TRHDE: variants seen among roughly 807,000 people sequenced by gnomAD.
TRHDE encodes the protein thyrotropin-releasing hormone-degrading ectoenzyme.
TRHDE carries 72 observed loss-of-function variants against 125.7 expected under a neutral mutation model. The ratio of observed to expected loss-of-function variants is 0.57; its 90% CI spans 0.47 to 0.70. The LOEUF (loss-of-function observed/expected upper bound fraction) is 0.70, where lower values mean the gene tolerates loss of function less well. Ranked by LOEUF, TRHDE falls within the 30% of genes least tolerant of loss-of-function variation. The pLI, the probability that TRHDE is intolerant of heterozygous loss-of-function variation, is 0.00. For synonymous variants in TRHDE, 509 were observed against 509.1 expected (o/e 1.00, Z 0.00); for missense variants, 1,110 against 1,327.1 (o/e 0.84, Z 2.54).
intron 2 of TRHDE, among the ~76,000 whole-genome samples, chr12:72,206,134 T>C (rs1877660142): frequency 6.6e-6 from 1 of 150,982 alleles, no homozygotes; most frequent in Non-Finnish European, 1.5e-5. Context: ...TCATGCAGGC[T>C]GGAGTGCAAT....
At chr12:72,448,846 T>G (rs1033885572) in intron 3 of TRHDE, among the ~76,000 whole-genome samples, 2 of 151,804 alleles carry the variant, frequency 1.3e-5, no homozygotes, top group Non-Finnish European at 1.5e-5. Flanking sequence ...TTTTTTTTTT[T>G]GTATGTGTGG....
chr12:72,138,498 T>A (rs1876040479), intron 2 of TRHDE, among the ~76,000 whole-genome samples: 1 of 152,226 alleles, frequency 6.6e-6, no homozygotes, highest in Admixed American at 6.5e-5. Flanking sequence ...AAGGCTATTC[T>A]GATCTGGGAG....
At chr12:72,271,896 G>C (rs1427166465), upstream of TRHDE, 1 of 456,390 alleles carries the variant, frequency 2.2e-6, no homozygotes, top group East Asian at 7.0e-5. Context: ...ACTGGAATGA[G>C]GGAGTCTCGC....
rs368498595 is a variant in TRHDE, at chr12:72,285,081, AAGCTTT to A, written c.915-1598_915-1593del. The stretch of plus-strand genomic sequence containing the variant: ...TTTTATTTTTCTCTATTCTAAAACT[AAGCTTT>A]AAAAAATGAGGCCCTCAATGATCAA... On this transcript the variant is annotated intron_variant, in intron 1 of 18. Coordinates refer to ENST00000261180, the MANE Select transcript of TRHDE (RefSeq NM_013381.3). Among the ~76,000 whole-genome samples the A allele has an allele frequency of 9.8e-4, 150 of 152,336 alleles. 1 individual carries two copies. The highest frequency in any genetic ancestry group is 3.5e-3 in the African/African-American group (147 of 41,590).
intron 2 of TRHDE, among the ~76,000 whole-genome samples, chr12:72,117,243 T>G (rs1875466140): frequency 6.6e-6 from 1 of 152,170 alleles, no homozygotes; most frequent in South Asian, 2.1e-4. Context: ...CCATTTTGAT[T>G]TGTTTTTTTA....
chr12:72,517,160 A>C (rs2135956590), intron 6 of TRHDE, among the ~76,000 whole-genome samples: 1 of 151,706 alleles, frequency 6.6e-6, no homozygotes, highest in East Asian at 1.9e-4. Flanking sequence ...TGGCCTCATA[A>C]AATGAGTTAG....
intron 6 of TRHDE, among the ~76,000 whole-genome samples, chr12:72,526,431 G>C (rs1868339718): frequency 6.6e-6 from 1 of 152,050 alleles, no homozygotes; most frequent in African/African-American, 2.4e-5. Context: ...CAGCTTCTTT[G>C]GGCTTGGTTA....
At chr12:72,146,767 C>T (rs980426760) in intron 2 of TRHDE, among the ~76,000 whole-genome samples, 7 of 152,302 alleles carry the variant, frequency 4.6e-5, no homozygotes, top group Admixed American at 3.3e-4. Flanking sequence ...AACCCTCTGC[C>T]TTATTGCAAG....
intron 3 of TRHDE, among the ~76,000 whole-genome samples, chr12:72,396,624 C>T (rs1272402282): frequency 1.3e-5 from 2 of 151,860 alleles, no homozygotes; most frequent in East Asian, 1.9e-4. Context: ...CATGCCTGTA[C>T]TCCCAGCTAC....
chr12:72,102,558 T>C (rs894824299), intron 1 of TRHDE, among the ~76,000 whole-genome samples: 9 of 152,218 alleles, frequency 5.9e-5, no homozygotes, highest in Non-Finnish European at 1.3e-4. Context: ...TCCAATCTTA[T>C]ACTTTAACTA....
chr12:72,207,784 A>G (rs1877699337), intron 2 of TRHDE, among the ~76,000 whole-genome samples: 1 of 152,156 alleles, frequency 6.6e-6, no homozygotes, highest in South Asian at 2.1e-4. Context: ...TAATGCCTGC[A>G]TTTTGCTGCT....
intron 1 of TRHDE, among the ~76,000 whole-genome samples, chr12:72,096,541 C>CA (rs1430501051): frequency 6.6e-6 from 1 of 152,084 alleles, no homozygotes; most frequent in Non-Finnish European, 1.5e-5. Context: ...CCAAAGATGG[C>CA]AAAAAAGTAA....
At chr12:72,651,829 T>C (rs991573666) in intron 15 of TRHDE, among the ~76,000 whole-genome samples, 2 of 151,942 alleles carry the variant, frequency 1.3e-5, no homozygotes, top group African/African-American at 4.8e-5. Flanking sequence ...ATCTTCTAGG[T>C]CTCCAAAATT....
At chr12:72,160,404 C>T (rs868181339) in intron 2 of TRHDE, among the ~76,000 whole-genome samples, 18 of 152,252 alleles carry the variant, frequency 1.2e-4, no homozygotes, top group African/African-American at 3.9e-4. Context: ...AGGACCTCCT[C>T]GCGGGCATGG....
At chr12:72,371,207 G>T (rs1364686569) in intron 2 of TRHDE, among the ~76,000 whole-genome samples, 1 of 151,588 alleles carries the variant, frequency 6.6e-6, no homozygotes, top group Non-Finnish European at 1.5e-5. Context: ...TCAAGATTCA[G>T]CTGAAACTTC....
chr12:72,350,299 A>C (rs1870524060), intron 2 of TRHDE, among the ~76,000 whole-genome samples: 1 of 152,034 alleles, frequency 6.6e-6, no homozygotes, highest in South Asian at 2.1e-4. Flanking sequence ...GTGGACGGTC[A>C]TGCCTGGAGC....
At chr12:72,636,131 AT>A (rs1248587326) in intron 15 of TRHDE, among the ~76,000 whole-genome samples, 1 of 152,142 alleles carries the variant, frequency 6.6e-6, no homozygotes, top group African/African-American at 2.4e-5. Flanking sequence ...CTTCCTACCC[AT>A]GAGCATGGAA....
intron 2 of TRHDE, among the ~76,000 whole-genome samples, chr12:72,344,329 T>C (rs1870215811): frequency 6.6e-6 from 1 of 152,148 alleles, no homozygotes; most frequent in South Asian, 2.1e-4. Flanking sequence ...GCACAATGCC[T>C]AGCAAGTACG....
intron 18 of TRHDE, among the ~76,000 whole-genome samples, chr12:72,657,504 G>A (rs527865183): frequency 6.6e-6 from 1 of 152,258 alleles, no homozygotes; most frequent in African/African-American, 2.4e-5. Flanking sequence ...AAATTCTTAA[G>A]CGTAGAAAGG....
Sources: gnomAD v4.1 joint callset for allele counts (sites outside exome capture counted in the v4.1 genomes callset) on GRCh38, gnomAD v4.1.1 for gene constraint, MANE v1.5 for transcripts, NCBI Gene and HGNC (gene_info 2026-07-23, HGNC 2026-07-21) for gene names.